The following CDH13 variants were observed in gnomAD, a reference collection of about 807,000 sequenced individuals.
The protein encoded by CDH13 is cadherin 13.
CDH13 carries 24 observed loss-of-function variants against 63.8 expected under a neutral mutation model. That is an observed-to-expected ratio of 0.38 (90% CI 0.27 to 0.53). CDH13 has a LOEUF of 0.53. CDH13 is among the 20% of genes least tolerant of loss of function. CDH13 has a pLI of 0.85. For missense variants in CDH13, 1,049 were observed against 903.1 expected (o/e 1.16, Z -2.07); for synonymous variants, 503 against 355.3 (o/e 1.42, Z -4.67).
At chr16:83,204,577 A>G (rs1408464839) in intron 4 of CDH13, among the ~76,000 whole-genome samples, 1 of 152,218 alleles carries the variant, frequency 6.6e-6, no homozygotes, top group East Asian at 1.9e-4. Context: ...GAGGCCACAC[A>G]GCTTTCTATA....
intron 2 of CDH13, among the ~76,000 whole-genome samples, chr16:82,970,585 G>A (rs1474991323): frequency 6.8e-6 from 1 of 147,866 alleles, no homozygotes; most frequent in African/African-American, 2.5e-5. Flanking sequence ...ATTTTTAGTA[G>A]AGACGGGGTT....
At chr16:83,123,697 T>C (rs13338647) in intron 3 of CDH13, among the ~76,000 whole-genome samples, 47,829 of 152,036 alleles carry the variant, frequency 0.31, 8,146 homozygotes, top group Middle Eastern at 0.42. Context: ...GATATAACGA[T>C]TCCTTTTCCT....
At chr16:83,159,464 T>C (rs2037353344) in intron 4 of CDH13, among the ~76,000 whole-genome samples, 1 of 152,238 alleles carries the variant, frequency 6.6e-6, no homozygotes, top group African/African-American at 2.4e-5. Context: ...TTTATTCTTT[T>C]GTAACACTGA....
intron 2 of CDH13, among the ~76,000 whole-genome samples, chr16:82,885,652 C>A (rs1048515999): frequency 6.6e-6 from 1 of 152,114 alleles, no homozygotes; most frequent in Non-Finnish European, 1.5e-5. Flanking sequence ...TCCATCCATT[C>A]ATCCTGGGAA....
intron 1 of CDH13, among the ~76,000 whole-genome samples, chr16:82,668,240 A>T (rs927825768): frequency 6.6e-6 from 1 of 152,124 alleles, no homozygotes; most frequent in Non-Finnish European, 1.5e-5. Flanking sequence ...CCCGTGTCCT[A>T]TGAGCCCTGA....
At chr16:83,496,444 A>G (rs1301640860) in intron 7 of CDH13, among the ~76,000 whole-genome samples, 1 of 151,528 alleles carries the variant, frequency 6.6e-6, no homozygotes, top group African/African-American at 2.4e-5. Flanking sequence ...TGCTGGGAAA[A>G]CTGGCTAGCC....
intron 3 of CDH13, among the ~76,000 whole-genome samples, chr16:83,071,116 T>C (rs889994721): frequency 2.6e-5 from 4 of 152,088 alleles, no homozygotes; most frequent in Admixed American, 6.5e-5. Flanking sequence ...CATAATAATG[T>C]ATAGCCTCAT....
chr16:83,434,941 A>ATTTATATATATAATATATAAATATAT (rs1388659538), intron 6 of CDH13, among the ~76,000 whole-genome samples: 1 of 145,510 alleles, frequency 6.9e-6, no homozygotes, highest in Admixed American at 7.0e-5. Flanking sequence ...AATATATTTT[A>ATTTATATATATAATATATAAATATAT]TTTATATATA....
At chr16:82,856,390 G>GAAAAT (rs1234339038) in intron 1 of CDH13, among the ~76,000 whole-genome samples, 48 of 23,436 alleles carry the variant, frequency 2.0e-3, no homozygotes, top group African/African-American at 3.6e-3. Flanking sequence ...AAAAAAAAAA[G>GAAAAT]AAAAGAAAAG....
At chr16:82,723,194 C>T (rs2032886454) in intron 1 of CDH13, 1 of 152,230 alleles carries the variant, frequency 6.6e-6, no homozygotes, top group African/African-American at 2.4e-5. Flanking sequence ...TGAGTTCCAG[C>T]CTGAGAATGA....
chr16:83,595,578 CA>C (rs1176796923), intron 7 of CDH13, among the ~76,000 whole-genome samples: 2 of 152,116 alleles, frequency 1.3e-5, no homozygotes, highest in Non-Finnish European at 2.9e-5. Context: ...AGCAGGTCAC[CA>C]AAGGGGCTTT....
At position 83,779,973 on chromosome 16, in the gene CDH13, C is replaced by A. The variant is rs375175343; in HGVS notation, c.1687C>A (p.Pro563Thr). ...ALFLAIDSGN[P>T]PATGTGTLLI... ...ATCTTCCCTTTTTCCCACAGGCAAC[C>A]CTCCCGCTACGGGCACTGGGACTTT... is the stretch of plus-strand genomic sequence containing the variant. Residue 563 changes from proline to threonine, a missense_variant, in exon 12 of 14, where the codon CCT becomes ACT. Physicochemically the swap from Pro to Thr is conservative, Grantham distance 38. Transcript: ENST00000567109. 1.9e-6 allele frequency: 3 copies of A among 1,605,554 alleles called. No homozygotes were observed. The highest frequency in any genetic ancestry group is 2.2e-5 in the East Asian group (1 of 44,674).
chr16:82,958,630 G>A (rs971431291), intron 2 of CDH13, among the ~76,000 whole-genome samples: 9 of 152,176 alleles, frequency 5.9e-5, no homozygotes, highest in African/African-American at 2.2e-4. Context: ...TATTAAACAG[G>A]CATTAGATAG....
Position 83,508,062 on chromosome 16 carries a change from AG to A in CDH13, c.960+21409del, listed in dbSNP as rs1176494333. 8.7e-4 allele frequency among the ~76,000 whole-genome samples: 23 copies of A among 26,500 alleles called. 2 individuals carry two copies. The highest frequency in any genetic ancestry group is 6.4e-4 in the Non-Finnish European group (7 of 10,958). The allele number at this position is 26,500 out of a possible 152,430, so 17.4% of individuals were successfully genotyped here. Reference sequence around the variant, plus strand: ...AAGAAAGAGAGAAAGAGAAGAAGGAAGGAAGGAAGGAAGGAAGGAAGGAAGG... The same window carrying A: ...AAGAAAGAGAGAAAGAGAAGAAGGAAGAAGGAAGGAAGGAAGGAAGGAAGG... On this transcript the variant is annotated intron_variant, in intron 7 of 13. Transcript: ENST00000567109.
Position 83,486,568 on chromosome 16 carries a change from T to C in CDH13, c.873T>C (p.Pro291=). 1 of 1,613,960 alleles carries C rather than the reference T, an allele frequency of 6.2e-7. No homozygotes were observed. Among genetic ancestry groups the C allele is most frequent in the East Asian group, 2.2e-5 (1 of 44,868 alleles). ...GGTATAATATCCGTCAGCAGACGCC[T>C]GACAAGCCATCTCCCAACATGTTCT... The part of the protein sequence containing the change: ...LLRYNIRQQT[P]DKPSPNMFYI... Residue 291 remains proline (P), a synonymous_variant, in exon 7 of 14, where the codon CCT becomes CCC. Transcript: ENST00000567109.
rs200065630 is a variant in CDH13 at position 82,782,561 on chromosome 16, A to ATAAT, written c.46-75801_46-75800insTAAT. 2.0e-5 allele frequency among the ~76,000 whole-genome samples: 3 copies of ATAAT among 151,066 alleles called. No individual in the cohort carries two copies. The East Asian group carries it at 5.9e-4, about 30-fold the overall frequency. On this transcript the variant is annotated intron_variant, in intron 1 of 13. Coordinates refer to ENST00000567109, the MANE Select transcript of CDH13 (RefSeq NM_001257.5). ...TGCCAGACTCCATCTCAAAAAAAAA[A>ATAAT]AAAAATAATAATAAACAAATGGATG...
At chr16:83,001,205 T>C (rs1211894763) in intron 2 of CDH13, among the ~76,000 whole-genome samples, 1 of 152,248 alleles carries the variant, frequency 6.6e-6, no homozygotes, top group Non-Finnish European at 1.5e-5. Flanking sequence ...AGCATAGAAA[T>C]CTGCACAGAG....
At chr16:83,015,510 C>G (rs1015687688) in intron 2 of CDH13, among the ~76,000 whole-genome samples, 2 of 151,124 alleles carry the variant, frequency 1.3e-5, no homozygotes, top group East Asian at 2.0e-4. Context: ...TCAACATAAT[C>G]CAAAGGTCCT....
chr16:83,231,583 G>T (rs960413941), intron 5 of CDH13, among the ~76,000 whole-genome samples: 3 of 152,088 alleles, frequency 2.0e-5, no homozygotes, highest in African/African-American at 7.2e-5. Flanking sequence ...AGAAGTAGGG[G>T]GTCTGCAAAC....
Sources: gnomAD v4.1 joint callset for allele counts (sites outside exome capture counted in the v4.1 genomes callset) on GRCh38, gnomAD v4.1.1 for gene constraint, MANE v1.5 for transcripts, NCBI Gene and HGNC (gene_info 2026-07-23, HGNC 2026-07-21) for gene names.